The following TEX36 variants were observed in gnomAD, a reference collection of about 807,000 sequenced individuals.
TEX36 encodes the protein testis-expressed protein 36.
In TEX36, 12 loss-of-function variants were observed where a neutral mutation model predicts 13.6. The observed-to-expected ratio is 0.88, with a 90% confidence interval of 0.56 to 1.43. The LOEUF is 1.43. Ranked by LOEUF, TEX36 falls within the 40% of genes most tolerant of loss-of-function variation. The probability of loss-of-function intolerance (pLI) is 0.00; values close to 1 mark genes in which losing one functional copy is unlikely to be tolerated. For missense variants in TEX36, 224 were observed against 228.3 expected (o/e 0.98, Z 0.12); for synonymous variants, 93 against 83.0 (o/e 1.12, Z -0.65).
chr10:125,582,371 T>C lies in TEX36; in HGVS notation c.265-5497A>G, dbSNP rs576549358. Among the ~76,000 whole-genome samples, 10 of 152,370 alleles carry C rather than the reference T, an allele frequency of 6.6e-5. No individual in the cohort carries two copies. In the East Asian group the frequency reaches 1.7e-3, roughly 26 times the overall value. ...TTCACAGAGGAGGAAGTTCAGGCTCTGGAAGGTGAGGTGGCTGCCAGCTCC... is the reference window on the plus strand; with the variant it reads ...TTCACAGAGGAGGAAGTTCAGGCTCCGGAAGGTGAGGTGGCTGCCAGCTCC... On this transcript the variant is annotated intron_variant, in intron 3 of 3. Transcript: ENST00000532135.
intron 3 of TEX36, among the ~76,000 whole-genome samples, chr10:125,591,639 T>C (rs1351106867): frequency 2.0e-5 from 3 of 152,258 alleles, no homozygotes. Context: ...CTTGAATCAA[T>C]AGGAAATTAG....
At chr10:125,582,035 C>A (rs1427822346) in intron 3 of TEX36, among the ~76,000 whole-genome samples, 4 of 152,214 alleles carry the variant, frequency 2.6e-5, no homozygotes, top group Admixed American at 2.6e-4. Flanking sequence ...TCTCACCAGA[C>A]CTCAGGGATG....
chr10:125,615,318 T>C (rs1846342689), intron 3 of TEX36, among the ~76,000 whole-genome samples: 1 of 152,266 alleles, frequency 6.6e-6, no homozygotes, highest in South Asian at 2.1e-4. Flanking sequence ...TCCAACACTA[T>C]GTTGAATAGG....
chr10:125,650,763 T>C (rs1288384310), downstream of TEX36, among the ~76,000 whole-genome samples: 1 of 151,692 alleles, frequency 6.6e-6, no homozygotes, highest in Non-Finnish European at 1.5e-5. Flanking sequence ...GCAAGACTAA[T>C]AAAGAAGAAA....
chr10:125,615,840 A>G (rs1000059648), intron 3 of TEX36, among the ~76,000 whole-genome samples: 9 of 152,184 alleles, frequency 5.9e-5, no homozygotes, highest in African/African-American at 2.2e-4. Flanking sequence ...ATTGATTGGA[A>G]TAGTTTCAGA....
chr10:125,579,461 C>T (rs941207863), intron 3 of TEX36, among the ~76,000 whole-genome samples: 6 of 152,290 alleles, frequency 3.9e-5, no homozygotes, highest in Non-Finnish European at 7.4e-5. Flanking sequence ...TCACCCAACA[C>T]GTGGGGATTA....
chr10:125,682,109 T>A (rs1330548623), intron 1 of TEX36, among the ~76,000 whole-genome samples: 2 of 152,262 alleles, frequency 1.3e-5, no homozygotes, highest in African/African-American at 2.4e-5. Context: ...TGATTTCCCC[T>A]TAACATTCTT....
chr10:125,591,761 A>T (rs1846023638), intron 3 of TEX36, among the ~76,000 whole-genome samples: 1 of 152,196 alleles, frequency 6.6e-6, no homozygotes, highest in Non-Finnish European at 1.5e-5. Flanking sequence ...GACTCAGAGG[A>T]TCAATTAGCA....
chr10:125,664,164 C>T (rs1240198886), intron 1 of TEX36, among the ~76,000 whole-genome samples: 4 of 152,024 alleles, frequency 2.6e-5, no homozygotes, highest in African/African-American at 9.7e-5. Context: ...TTGCAAATGA[C>T]AGAATCTCAT....
chr10:125,657,314 A>G (rs1373235985), intron 3 of TEX36, among the ~76,000 whole-genome samples: 5 of 152,126 alleles, frequency 3.3e-5, no homozygotes, highest in African/African-American at 1.2e-4. Flanking sequence ...GGACACCCCA[A>G]GGGGCTGTGC....
chr10:125,652,030 A>T (rs766153792), downstream of TEX36, among the ~76,000 whole-genome samples: 1 of 152,248 alleles, frequency 6.6e-6, no homozygotes, highest in African/African-American at 2.4e-5. Context: ...ATGCTCATGG[A>T]TAGGAAGAAT....
intron 3 of TEX36, among the ~76,000 whole-genome samples, chr10:125,626,179 T>G (rs976287877): frequency 1.3e-5 from 2 of 152,088 alleles, no homozygotes; most frequent in African/African-American, 4.8e-5. Context: ...TCCTGCTCCC[T>G]CCTCCTCCCT....
intron 3 of TEX36, chr10:125,576,965 C>T (rs1565164590): frequency 6.0e-6 from 9 of 1,491,444 alleles, no homozygotes; most frequent in Non-Finnish European, 7.2e-6. Context: ...GGGCCTTATT[C>T]TCCCTGCCCA....
chr10:125,664,430 T>C (rs923851728), intron 1 of TEX36, among the ~76,000 whole-genome samples: 1 of 152,208 alleles, frequency 6.6e-6, no homozygotes, highest in South Asian at 2.1e-4. Flanking sequence ...TTTTCCATAG[T>C]GGCTACTATG....
chr10:125,579,082 C>T (rs955701245), intron 3 of TEX36, among the ~76,000 whole-genome samples: 3 of 152,196 alleles, frequency 2.0e-5, no homozygotes, highest in African/African-American at 7.2e-5. Context: ...AAAATGCCTT[C>T]CTTGGTGAGG....
chr10:125,622,653 G>A (rs988612621), intron 3 of TEX36, among the ~76,000 whole-genome samples: 1 of 152,214 alleles, frequency 6.6e-6, no homozygotes, highest in Non-Finnish European at 1.5e-5. Flanking sequence ...GATTCAGTGT[G>A]GTATGGTCGT....
chr10:125,577,006 G>A, intron 3 of TEX36: 1 of 1,210,674 alleles, frequency 8.3e-7, no homozygotes, highest in Non-Finnish European at 1.1e-6. Flanking sequence ...GAAGGATTTA[G>A]TGAGACTTAG....
chr10:125,681,569 T>C (rs1269494102), intron 1 of TEX36, among the ~76,000 whole-genome samples: 1 of 152,232 alleles, frequency 6.6e-6, no homozygotes, highest in African/African-American at 2.4e-5. Flanking sequence ...CCTAATATTA[T>C]GTCTATGTTA....
chr10:125,579,579 G>C (rs1161387876), intron 3 of TEX36, among the ~76,000 whole-genome samples: 1 of 152,158 alleles, frequency 6.6e-6, no homozygotes, highest in East Asian at 1.9e-4. Context: ...ATTTGGTTTG[G>C]ATTTGTGTCC....
Sources: gnomAD v4.1 joint callset for allele counts (sites outside exome capture counted in the v4.1 genomes callset) on GRCh38, gnomAD v4.1.1 for gene constraint, MANE v1.5 for transcripts, NCBI Gene and HGNC (gene_info 2026-07-23, HGNC 2026-07-21) for gene names.